The following UGT2B4 variants were observed in gnomAD, a reference collection of about 807,000 sequenced individuals.
The protein encoded by UGT2B4 is UDP-glucuronosyltransferase 2B4.
A neutral mutation model predicts 49.8 loss-of-function variants in UGT2B4; 49 were observed. The ratio of observed to expected loss-of-function variants is 0.98; its 90% CI spans 0.78 to 1.25. The LOEUF is 1.25. Ranked by LOEUF, UGT2B4 falls within the 50% of genes most tolerant of loss-of-function variation. UGT2B4 has a pLI of 0.00. For synonymous variants in UGT2B4, 246 were observed against 217.7 expected, an observed-to-expected ratio of 1.13 and a Z score of -1.14; for missense variants, 729 against 627.7, an observed-to-expected ratio of 1.16 and a Z score of -1.73.
chr4:69,496,467 C>G (rs1292047095), upstream of UGT2B4, among the ~76,000 whole-genome samples: 1 of 152,074 alleles, frequency 6.6e-6, no homozygotes, highest in African/African-American at 2.4e-5. Flanking sequence ...TGACACAGAA[C>G]TAAAGATAAA....
In UGT2B4 at chr4:69,489,527, A is replaced by G. The variant is rs778695810; in HGVS notation, c.914T>C (p.Val305Ala). ...FVQSSGENGVVVFSLGSMVSN... is the reference protein window; with the variant it reads ...FVQSSGENGVAVFSLGSMVSN... The stretch of plus-strand genomic sequence containing the variant: ...GACCATCGACCCCAGAGAAAACACC[A>G]CAACACCATTTTCTCCAGAGCTCTG... The change falls in exon 3 of 6, where the codon GTG becomes GCG. Residue 305 changes from valine to alanine, a missense_variant. Coordinates refer to ENST00000305107, the MANE Select transcript of UGT2B4 (RefSeq NM_021139.3). 3.1e-6 allele frequency: 5 copies of G among 1,611,762 alleles called. No homozygotes were observed. Among genetic ancestry groups the G allele is most frequent in the Admixed American group, 1.7e-5 (1 of 59,810 alleles).
rs1234345185 is a variant in UGT2B4 at position 69,480,670 on chromosome 4, C to A, written c.1551G>T (p.Lys517Asn). 6.2e-7 allele frequency: 1 copy of A among 1,614,094 alleles called. No individual in the cohort carries two copies. The stretch of plus-strand genomic sequence containing the variant: ...TCCCCTTCTTTCCTGTTCTAACAAA[C>A]TTCCAGACACAAAACAGACATTTTG... ...IITKCLFCVW[K>N]FVRTGKKGKR... The change falls in exon 6 of 6, where the codon AAG (lysine) becomes AAT (asparagine). Residue 517 changes from lysine to asparagine, a missense_variant. Lys to Asn is a moderately conservative substitution (Grantham distance 94). Transcript: ENST00000305107.
Position 69,495,655 on chromosome 4 carries a change from T to A in UGT2B4, c.207A>T (p.Pro69=). ...GATAAACTTCAAATTTAAGAGTAGA[T>A]GGGCTGTTGGGATCGAAAGAAATGG... The part of the protein sequence containing the change: ...SASISFDPNS[P]STLKFEVYPV... The change falls in exon 1 of 6, where the codon CCA becomes CCT. Residue 69 remains proline, a synonymous_variant. Transcript: ENST00000305107. 6.2e-7 allele frequency: 1 copy of A among 1,614,048 alleles called. No individual in the cohort carries two copies. The highest frequency in any genetic ancestry group is 8.5e-7 in the Non-Finnish European group (1 of 1,179,984).
intron 1 of UGT2B4, among the ~76,000 whole-genome samples, chr4:69,516,963 T>A (rs11725934): frequency 0.14 from 21,530 of 152,024 alleles, 1,840 homozygotes; most frequent in Non-Finnish European, 0.19. Flanking sequence ...TTGCCCAATT[T>A]CCTTGGAGTT....
chr4:69,500,586 AAAGC>A (rs1436081002), upstream of UGT2B4, among the ~76,000 whole-genome samples: 8 of 113,924 alleles, frequency 7.0e-5, no homozygotes, highest in East Asian at 9.9e-4. Context: ...AGAAAGCAAG[AAAGC>A]AAGCAAGAAA....
rs372180560 is a variant in UGT2B4 at position 69,495,655 on chromosome 4, T to C, written c.207A>G (p.Pro69=). 5 of 1,613,930 alleles carry C rather than the reference T, an allele frequency of 3.1e-6. No individual in the cohort carries two copies. The African/African-American group carries it at 6.7e-5, about 22-fold the overall frequency. The change falls in exon 1 of 6, where the codon CCA becomes CCG. Residue 69 remains proline (P), a synonymous_variant. Transcript: ENST00000305107. The part of the protein sequence containing the change: ...SASISFDPNS[P]STLKFEVYPV... ...GATAAACTTCAAATTTAAGAGTAGATGGGCTGTTGGGATCGAAAGAAATGG... is the reference window on the plus strand; with the variant it reads ...GATAAACTTCAAATTTAAGAGTAGACGGGCTGTTGGGATCGAAAGAAATGG...
Position 69,485,197 on chromosome 4 carries a change from G to A in UGT2B4, c.1310+11C>T, listed in dbSNP as rs763727528. Reference sequence around the variant, plus strand: ...ATAAAGACCACCGAGTAAAAAAAAAGTTATACTCACAAAGGATCATTAATT... The same window carrying A: ...ATAAAGACCACCGAGTAAAAAAAAAATTATACTCACAAAGGATCATTAATT... On this transcript the variant is annotated intron_variant, in intron 5 of 5. Transcript: ENST00000305107. The A allele has an allele frequency of 5.6e-6, 9 of 1,613,422 alleles. No individual in the cohort carries two copies. In the South Asian group the frequency reaches 8.8e-5, roughly 16 times the overall value.
chr4:69,493,476 CT>C (rs1434255527), intron 2 of UGT2B4, among the ~76,000 whole-genome samples: 1 of 152,044 alleles, frequency 6.6e-6, no homozygotes, highest in African/African-American at 2.4e-5. Context: ...TTTACCAACC[CT>C]ATTTTCAAAG....
rs1178085710 is a variant in UGT2B4 at position 69,489,542 on chromosome 4, C to A, written c.899G>T (p.Gly300Val). ...AGAAAACACCACAACACCATTTTCT[C>A]CAGAGCTCTGGACAAACTCTTCCAT... is the stretch of plus-strand genomic sequence containing the variant. ...KEMEEFVQSS[G>V]ENGVVVFSLG... The change falls in exon 3 of 6, where the codon GGA (glycine) becomes GTA (valine). Residue 300 changes from glycine (G) to valine (V), a missense_variant. Transcript: ENST00000305107. 2.5e-6 allele frequency: 4 copies of A among 1,610,892 alleles called. No homozygotes were observed. The African/African-American group carries it at 5.4e-5, about 22-fold the overall frequency.
intron 1 of UGT2B4, among the ~76,000 whole-genome samples, chr4:69,524,426 G>A (rs1397240174): frequency 1.3e-5 from 2 of 151,850 alleles, no homozygotes; most frequent in African/African-American, 4.8e-5. Flanking sequence ...ATGGGAAAAA[G>A]TGGTTCATGG....
At chr4:69,500,453 G>C (rs1159530615), upstream of UGT2B4, among the ~76,000 whole-genome samples, 1 of 141,118 alleles carries the variant, frequency 7.1e-6, no homozygotes, top group Non-Finnish European at 1.5e-5. Context: ...AATGACCTTT[G>C]AACAAGGAAA....
At chr4:69,522,526 T>C (rs188225207) in intron 1 of UGT2B4, among the ~76,000 whole-genome samples, 1 of 152,260 alleles carries the variant, frequency 6.6e-6, no homozygotes, top group East Asian at 1.9e-4. Context: ...AAATAACATA[T>C]CTAAAAAATA....
intron 1 of UGT2B4, among the ~76,000 whole-genome samples, chr4:69,504,495 A>T (rs1728422147): frequency 6.6e-6 from 1 of 152,204 alleles, no homozygotes; most frequent in South Asian, 2.1e-4. Context: ...AAAGAAAAAA[A>T]TCTCAGAGCT....
chr4:69,514,009 A>T (rs907143836), intron 1 of UGT2B4, among the ~76,000 whole-genome samples: 9 of 150,382 alleles, frequency 6.0e-5, no homozygotes, highest in Admixed American at 1.3e-4. Context: ...TTTTTTTTTA[A>T]TTTTTTTTTA....
chr4:69,519,086 G>T (rs1010108468), intron 1 of UGT2B4, among the ~76,000 whole-genome samples: 2 of 152,292 alleles, frequency 1.3e-5, no homozygotes, highest in African/African-American at 4.8e-5. Context: ...AAAGTTGAGA[G>T]CAGAAGCCTA....
chr4:69,492,071 T>C (rs1728003289), intron 2 of UGT2B4, among the ~76,000 whole-genome samples: 1 of 152,104 alleles, frequency 6.6e-6, no homozygotes, highest in African/African-American at 2.4e-5. Context: ...TATAATGTTA[T>C]ATGATGACAG....
chr4:69,500,528 GAAA>G (rs2109819272), upstream of UGT2B4, among the ~76,000 whole-genome samples: 1 of 145,430 alleles, frequency 6.9e-6, no homozygotes, highest in Non-Finnish European at 1.5e-5. Context: ...AAGAAAGAAA[GAAA>G]GAAGAAAGAA....
intron 1 of UGT2B4, among the ~76,000 whole-genome samples, chr4:69,524,701 G>GAAA (rs5859187): frequency 6.0e-4 from 90 of 151,030 alleles, no homozygotes; most frequent in Middle Eastern, 3.5e-3. Context: ...CAACTTATGA[G>GAAA]AAAAAAAAAC....
At chr4:69,513,930 C>T (rs1728668899) in intron 1 of UGT2B4, among the ~76,000 whole-genome samples, 1 of 152,038 alleles carries the variant, frequency 6.6e-6, no homozygotes, top group Admixed American at 6.6e-5. Flanking sequence ...ATTTTATATC[C>T]TGAGCATTTG....
Sources: allele counts gnomAD v4.1 joint callset (sites outside exome capture counted in the v4.1 genomes callset), GRCh38; gene constraint gnomAD v4.1.1; transcripts MANE v1.5; gene names NCBI Gene and HGNC (gene_info 2026-07-23, HGNC 2026-07-21).